The following B9D2 variants were observed in gnomAD, a reference collection of about 807,000 sequenced individuals.
B9D2 encodes the protein B9 domain containing 2, also known as B9 domain-containing protein 2.
In B9D2, 21 loss-of-function variants were observed where a neutral mutation model predicts 19.2. That is an observed-to-expected ratio of 1.09 (90% CI 0.78 to 1.58). The LOEUF is 1.58. Ranked by LOEUF, B9D2 falls within the 40% of genes most tolerant of loss-of-function variation. The probability of loss-of-function intolerance (pLI) is 0.00; values close to 1 mark genes in which losing one functional copy is unlikely to be tolerated. For missense variants in B9D2, 221 were observed against 244.3 expected, an observed-to-expected ratio of 0.90 and a Z score of 0.64; for synonymous variants, 91 against 100.6, an observed-to-expected ratio of 0.90 and a Z score of 0.57.
At chr19:41,355,960 T>TG (rs1255196368) in intron 3 of B9D2, among the ~76,000 whole-genome samples, 1 of 152,034 alleles carries the variant, frequency 6.6e-6, no homozygotes, top group Admixed American at 6.6e-5. Flanking sequence ...GAACAGCAAG[T>TG]GCCAAGGCCC....
chr19:41,363,666 G>C (rs1411458828), intron 1 of B9D2, 143 bp from the exon 2 acceptor site: 1 of 752,344 alleles, frequency 1.3e-6, no homozygotes, highest in Non-Finnish European at 2.3e-6. Context: ...CTGAGGTCTT[G>C]ACCACAGATC....
intron 2 of B9D2, 128 bp downstream of exon 2, chr19:41,363,304 G>T: frequency 1.1e-6 from 1 of 904,314 alleles, no homozygotes; most frequent in Non-Finnish European, 1.8e-6. Flanking sequence ...CAGGGTGTGG[G>T]CTGGGCCTGG....
Position 41,363,582 on chromosome 19 carries a change from CG to C in B9D2, c.-4-60del, listed in dbSNP as rs572348311. The C allele has an allele frequency of 7.7e-5, 116 of 1,499,750 alleles. 1 individual carries two copies. In the African/African-American group the frequency reaches 1.0e-3, roughly 13 times the overall value. The allele number at this position is 1,499,750 out of a possible 1,614,324, so 92.9% of individuals were successfully genotyped here. A position where few individuals can be genotyped will look rare whatever the true frequency, so the allele number is the denominator to read the frequency against. ...AGGTAAGTGTATTATCTCCATTTGA[CG>C]GGGGGGAAACTGAGGCCCAGCAAGT... On this transcript the variant is annotated intron_variant, in intron 1 of 3. Coordinates refer to ENST00000243578, the MANE Select transcript of B9D2 (RefSeq NM_030578.4).
intron 2 of B9D2, among the ~76,000 whole-genome samples, chr19:41,358,754 T>G (rs2038356091): frequency 6.6e-6 from 1 of 151,948 alleles, no homozygotes; most frequent in Non-Finnish European, 1.5e-5. Flanking sequence ...ACCTGTAATC[T>G]CAGCACTTTG....
chr19:41,357,599 T>C, intron 3 of B9D2, among the ~76,000 whole-genome samples: 1 of 152,142 alleles, frequency 6.6e-6, no homozygotes, highest in East Asian at 1.9e-4. Flanking sequence ...TTCCTCTTTA[T>C]TGGAGACTCT....
chr19:41,356,862 A>C (rs2038322182), intron 3 of B9D2, among the ~76,000 whole-genome samples: 4 of 144,918 alleles, frequency 2.8e-5, no homozygotes, highest in Admixed American at 2.7e-4. Context: ...AAAAAAAAAA[A>C]GGTGAAATCT....
chr19:41,359,814 A>G (rs2123137580), intron 2 of B9D2, among the ~76,000 whole-genome samples: 1 of 152,148 alleles, frequency 6.6e-6, no homozygotes, highest in African/African-American at 2.4e-5. Context: ...TAGGACTCTT[A>G]ATCCCCTCCT....
chr19:41,355,134 TC>T, intron 3 of B9D2, 121 bp from the exon 4 acceptor site: 1 of 1,048,704 alleles, frequency 9.5e-7, no homozygotes, highest in Non-Finnish European at 1.3e-6. Context: ...TGGGTTTCTG[TC>T]CCAGAGTTTC....
intron 2 of B9D2, among the ~76,000 whole-genome samples, chr19:41,360,065 C>A (rs1466556565): frequency 1.3e-5 from 2 of 152,224 alleles, no homozygotes; most frequent in Non-Finnish European, 2.9e-5. Context: ...TCAAGTGCCA[C>A]TTCCACAGAG....
At chr19:41,358,586 G>A (rs1348207607) in intron 2 of B9D2, among the ~76,000 whole-genome samples, 2 of 152,038 alleles carry the variant, frequency 1.3e-5, no homozygotes, top group African/African-American at 2.4e-5. Context: ...ATTTTATTAC[G>A]ATTCTCACCC....
At chr19:41,359,252 G>A (rs145161265) in intron 2 of B9D2, among the ~76,000 whole-genome samples, 1,759 of 151,658 alleles carry the variant, frequency 0.012, 34 homozygotes, top group African/African-American at 0.04. Flanking sequence ...CCAACATGGC[G>A]AAATCCCATC....
At chr19:41,355,658 T>C (rs571841925) in intron 3 of B9D2, among the ~76,000 whole-genome samples, 2 of 152,310 alleles carry the variant, frequency 1.3e-5, no homozygotes, top group Admixed American at 6.5e-5. Context: ...CTGTTCTAGC[T>C]AGCTGGGGAC....
At position 41,357,992 on chromosome 19, in the gene B9D2, C is replaced by T. The variant is rs370560381; in HGVS notation, c.119G>A (p.Arg40Gln). ...GGTGTCCACTTGCGTTTGGCCCTCC[C>T]GCACGCCTGACAGGAGCTTCCATGC... ...GAAWKLLSGV[R>Q]EGQTQVDTPQ... Residue 40 changes from arginine (R) to glutamine (Q), a missense_variant, in exon 3 of 4, where the codon CGG (arginine) becomes CAG (glutamine). Arg to Gln is a conservative substitution (Grantham distance 43, BLOSUM62 1). Coordinates refer to ENST00000243578, the MANE Select transcript of B9D2 (RefSeq NM_030578.4). 28 of 1,613,988 alleles carry T rather than the reference C, an allele frequency of 1.7e-5. No homozygotes were observed. Among genetic ancestry groups the T allele is most frequent in the East Asian group, 6.7e-5 (3 of 44,890 alleles).
At chr19:41,360,286 C>T (rs1205329573) in intron 2 of B9D2, among the ~76,000 whole-genome samples, 1 of 152,128 alleles carries the variant, frequency 6.6e-6, no homozygotes, top group East Asian at 1.9e-4. Flanking sequence ...AGCAATCCTC[C>T]CACCTCAACC....
intron 1 of B9D2, among the ~76,000 whole-genome samples, 190 bp from the exon 2 acceptor site, chr19:41,363,713 G>A (rs2038454167): frequency 6.6e-6 from 1 of 152,170 alleles, no homozygotes; most frequent in African/African-American, 2.4e-5. Flanking sequence ...AAAAAATGGG[G>A]GGACCCTTGT....
chr19:41,361,095 C>G (rs757471707), intron 2 of B9D2: 2 of 152,180 alleles, frequency 1.3e-5, no homozygotes, highest in African/African-American at 2.4e-5. Context: ...TATAGCAGAC[C>G]AAGGTCCCAT....
At chr19:41,360,225 G>C (rs1349354164) in intron 2 of B9D2, among the ~76,000 whole-genome samples, 1 of 152,148 alleles carries the variant, frequency 6.6e-6, no homozygotes, top group Non-Finnish European at 1.5e-5. Context: ...ACCCAGGCTG[G>C]AGTGCAGTGG....
In B9D2 at chr19:41,363,551, C is replaced by T. The variant is rs576302420; in HGVS notation, c.-4-28G>A. ...GGGAGGGGAAAAATATAATCACAAC[C>T]CTGTGAGGTAAGTGTATTATCTCCA... On this transcript the variant is annotated intron_variant, in intron 1 of 3. Coordinates refer to ENST00000243578, the MANE Select transcript of B9D2 (RefSeq NM_030578.4). 74 of 1,597,372 alleles carry T rather than the reference C, an allele frequency of 4.6e-5. 1 individual carries two copies. The South Asian group carries it at 7.6e-4, about 16-fold the overall frequency.
intron 2 of B9D2, among the ~76,000 whole-genome samples, chr19:41,362,824 G>A (rs1410743247): frequency 6.6e-6 from 1 of 152,126 alleles, no homozygotes; most frequent in East Asian, 1.9e-4. Flanking sequence ...GGCTCAAAGT[G>A]GTCGAGTCCA....
Sources: allele counts gnomAD v4.1 joint callset (sites outside exome capture counted in the v4.1 genomes callset), GRCh38; gene constraint gnomAD v4.1.1; transcripts MANE v1.5; gene names NCBI Gene and HGNC (gene_info 2026-07-23, HGNC 2026-07-21).